The following ARHGAP42 variants were observed in gnomAD, a reference collection of about 807,000 sequenced individuals.
ARHGAP42 encodes the protein rho GTPase-activating protein 42.
ARHGAP42 carries 63 observed loss-of-function variants against 125.0 expected under a neutral mutation model. The observed-to-expected ratio is 0.50, with a 90% CI of 0.41 to 0.62. ARHGAP42 has a LOEUF of 0.62. Among genes scored for constraint, ARHGAP42 ranks in the 20% least tolerant of loss-of-function variants. The probability of loss-of-function intolerance (pLI) is 0.00; values close to 1 mark genes in which losing one functional copy is unlikely to be tolerated. For missense variants in ARHGAP42, 766 were observed against 1,024.2 expected (o/e 0.75, Z 3.44); for synonymous variants, 339 against 351.0 (o/e 0.97, Z 0.38).
At chr11:100,776,354 G>C (rs779462825) in intron 2 of ARHGAP42, among the ~76,000 whole-genome samples, 2 of 152,166 alleles carry the variant, frequency 1.3e-5, no homozygotes, top group Admixed American at 6.5e-5. Context: ...GTCTTGAACA[G>C]TATGAGCTTT....
At chr11:100,741,346 T>C (rs895791340) in intron 1 of ARHGAP42, among the ~76,000 whole-genome samples, 9 of 144,364 alleles carry the variant, frequency 6.2e-5, no homozygotes, top group African/African-American at 2.2e-4. Context: ...AATCTTATTC[T>C]TATAGTTAGT....
chr11:100,984,226 A>G (rs1012023560), intron 22 of ARHGAP42, among the ~76,000 whole-genome samples: 10 of 152,020 alleles, frequency 6.6e-5, no homozygotes, highest in African/African-American at 2.4e-4. Context: ...CTTGCCAAGA[A>G]CAAATTTGTA....
chr11:100,945,575 T>C (rs1461721701), intron 10 of ARHGAP42, among the ~76,000 whole-genome samples: 1 of 152,136 alleles, frequency 6.6e-6, no homozygotes, highest in South Asian at 2.1e-4. Context: ...ACATAATATA[T>C]GTTGTGTCAG....
chr11:100,851,270 A>G (rs1368003640), intron 3 of ARHGAP42, among the ~76,000 whole-genome samples: 2 of 152,198 alleles, frequency 1.3e-5, no homozygotes, highest in Non-Finnish European at 1.5e-5. Context: ...AATGTTAGCT[A>G]TAAACATTAT....
intron 4 of ARHGAP42, among the ~76,000 whole-genome samples, chr11:100,912,256 A>G (rs1866942411): frequency 6.6e-6 from 1 of 152,078 alleles, no homozygotes; most frequent in Non-Finnish European, 1.5e-5. Context: ...CACTAATCTA[A>G]TACTTCCCTC....
intron 5 of ARHGAP42, among the ~76,000 whole-genome samples, chr11:100,918,001 A>G (rs911484492): frequency 2.0e-5 from 3 of 152,158 alleles, no homozygotes; most frequent in African/African-American, 7.2e-5. Context: ...AGATCTTTTT[A>G]TATTCACATG....
intron 22 of ARHGAP42, chr11:100,986,384 G>A: frequency 3.6e-6 from 1 of 277,432 alleles, no homozygotes; most frequent in South Asian, 3.5e-5. Flanking sequence ...TTGAAGGAAA[G>A]AAAGAGGGCC....
At chr11:100,734,215 G>C (rs1279408570) in intron 1 of ARHGAP42, among the ~76,000 whole-genome samples, 3 of 150,720 alleles carry the variant, frequency 2.0e-5, no homozygotes, top group African/African-American at 7.3e-5. Flanking sequence ...TTACAAGCGT[G>C]AGCCACCGCG....
chr11:100,876,365 C>A (rs1418944051), intron 4 of ARHGAP42, among the ~76,000 whole-genome samples: 1 of 152,098 alleles, frequency 6.6e-6, no homozygotes, highest in African/African-American at 2.4e-5. Flanking sequence ...AATAAAGAAT[C>A]CTTTTTGCTT....
chr11:100,714,592 G>A (rs77035651), intron 1 of ARHGAP42, among the ~76,000 whole-genome samples: 6,560 of 152,130 alleles, frequency 0.043, 282 homozygotes, highest in East Asian at 0.22. Flanking sequence ...CTAACATCTC[G>A]GGATAGTTTT....
chr11:100,958,084 T>A (rs1431494453), intron 12 of ARHGAP42, among the ~76,000 whole-genome samples: 4 of 149,252 alleles, frequency 2.7e-5, no homozygotes, highest in African/African-American at 9.9e-5. Context: ...ATAAAAATGC[T>A]AGTGTCTTGC....
chr11:100,950,030 A>C (rs897001160), intron 12 of ARHGAP42, 74 bp downstream of exon 12: 1 of 923,844 alleles, frequency 1.1e-6, no homozygotes, highest in Non-Finnish European at 1.6e-6. Context: ...GGTGATTGTA[A>C]GTATTCTGGG....
At chr11:100,874,541 C>T (rs1183696784) in intron 4 of ARHGAP42, among the ~76,000 whole-genome samples, 1 of 152,162 alleles carries the variant, frequency 6.6e-6, no homozygotes, top group Non-Finnish European at 1.5e-5. Flanking sequence ...CTGTAAGCTC[C>T]CACTGAATAC....
chr11:100,822,506 T>A (rs11224471), intron 3 of ARHGAP42, among the ~76,000 whole-genome samples: 7,746 of 152,246 alleles, frequency 0.051, 259 homozygotes, highest in East Asian at 0.18. Context: ...TAGAAAATAT[T>A]GGTAAATTGG....
chr11:100,860,244 T>A (rs1865414890), intron 4 of ARHGAP42, among the ~76,000 whole-genome samples: 1 of 152,108 alleles, frequency 6.6e-6, no homozygotes, highest in African/African-American at 2.4e-5. Flanking sequence ...TTACCCTGTT[T>A]GAGTTTTCCT....
intron 22 of ARHGAP42, among the ~76,000 whole-genome samples, chr11:100,983,470 C>T (rs1221935502): frequency 6.6e-6 from 1 of 152,102 alleles, no homozygotes; most frequent in Admixed American, 6.6e-5. Flanking sequence ...TTCCCTTGAC[C>T]ACCTTTTGAA....
At position 100,687,851 on chromosome 11, in the gene ARHGAP42, G is replaced by A; in HGVS notation, c.154+19G>A. The A allele has an allele frequency of 6.5e-7, 1 of 1,539,588 alleles. No homozygotes were observed. The highest frequency in any genetic ancestry group is 8.8e-7 in the Non-Finnish European group (1 of 1,139,548). On this transcript the variant is annotated intron_variant, in intron 1 of 23. Coordinates refer to ENST00000298815, the MANE Select transcript of ARHGAP42 (RefSeq NM_152432.4). ...TTGAGGAGTAAGTAGGGCTGGCGGG[G>A]GAGTGGACACCCGCATCTGGAGAGT...
At chr11:100,875,762 G>GGT (rs146196142) in intron 4 of ARHGAP42, among the ~76,000 whole-genome samples, 1 of 38,402 alleles carries the variant, frequency 2.6e-5, no homozygotes, top group Non-Finnish European at 5.3e-5. Context: ...CCAGGGTGGC[G>GGT]GGGGGTGACT....
chr11:100,935,763 G>A (rs956828177), intron 7 of ARHGAP42, among the ~76,000 whole-genome samples: 1 of 152,012 alleles, frequency 6.6e-6, no homozygotes, highest in African/African-American at 2.4e-5. Context: ...CTCAGACCTT[G>A]GGACCCAACA....
Sources: allele counts gnomAD v4.1 joint callset (sites outside exome capture counted in the v4.1 genomes callset), GRCh38; gene constraint gnomAD v4.1.1; transcripts MANE v1.5; gene names NCBI Gene and HGNC (gene_info 2026-07-23, HGNC 2026-07-21).